Variants in KCNIP3 observed in about 807,000 individuals in gnomAD.
KCNIP3 encodes potassium voltage-gated channel interacting protein 3.
KCNIP3 carries 28 observed loss-of-function variants against 35.0 expected under a neutral mutation model. The ratio of observed to expected loss-of-function variants is 0.80; its 90% CI spans 0.59 to 1.10. KCNIP3 has a LOEUF of 1.10. Ranked by LOEUF, KCNIP3 falls within the 50% of genes least tolerant of loss-of-function variation. KCNIP3 has a pLI of 0.00. For synonymous variants in KCNIP3, 134 were observed against 133.8 expected (o/e 1.00, Z -0.01); for missense variants, 295 against 338.4 (o/e 0.87, Z 1.01).
intron 2 of KCNIP3, among the ~76,000 whole-genome samples, chr2:95,337,732 T>A (rs929524831): frequency 1.3e-5 from 2 of 152,224 alleles, no homozygotes; most frequent in Non-Finnish European, 2.9e-5. Flanking sequence ...GCTTTATTAC[T>A]TCCCCCTGAT....
At chr2:95,369,701 G>A (rs1679997616) in intron 2 of KCNIP3, among the ~76,000 whole-genome samples, 1 of 151,976 alleles carries the variant, frequency 6.6e-6, no homozygotes, top group South Asian at 2.1e-4. Flanking sequence ...TATGACCATG[G>A]CTCACTGCAG....
rs199894648 is a variant in KCNIP3 at position 95,383,951 on chromosome 2, G to C, written c.724-51G>C. Reference sequence around the variant, plus strand: ...GGCGGGAATCTGCTCAAGGGGGTCGGATTTGGAGCCCACCCAGCACCTGAA... The same window carrying C: ...GGCGGGAATCTGCTCAAGGGGGTCGCATTTGGAGCCCACCCAGCACCTGAA... On this transcript the variant is annotated intron_variant, in intron 8 of 8. Coordinates refer to ENST00000295225, the MANE Select transcript of KCNIP3 (RefSeq NM_013434.5). The C allele has an allele frequency of 4.5e-6, 7 of 1,560,824 alleles. No individual in the cohort carries two copies. The Admixed American group carries it at 1.0e-4, about 22-fold the overall frequency.
At chr2:95,302,526 C>G (rs1678063829) in intron 1 of KCNIP3, among the ~76,000 whole-genome samples, 1 of 152,190 alleles carries the variant, frequency 6.6e-6, no homozygotes, top group South Asian at 2.1e-4. Flanking sequence ...GCCAGGCATG[C>G]TAGGCTGTGG....
intron 2 of KCNIP3, among the ~76,000 whole-genome samples, chr2:95,315,875 C>T (rs984198041): frequency 3.3e-5 from 5 of 152,196 alleles, no homozygotes; most frequent in African/African-American, 9.6e-5. Context: ...TGCCCTGCCT[C>T]GGGCCCCATC....
intron 2 of KCNIP3, among the ~76,000 whole-genome samples, chr2:95,334,563 C>T (rs1272914972): frequency 2.0e-5 from 3 of 152,226 alleles, no homozygotes; most frequent in Non-Finnish European, 4.4e-5. Context: ...CACAAACCAA[C>T]ATGGTGGGCC....
chr2:95,297,486 A>AG (rs757528523), intron 1 of KCNIP3, 33 bp downstream of exon 1: 1 of 127,540 alleles, frequency 7.8e-6, no homozygotes. Flanking sequence ...CTTGCTCTGG[A>AG]GGGGGGTCGG....
At chr2:95,325,738 C>T (rs1476551272) in intron 2 of KCNIP3, among the ~76,000 whole-genome samples, 1 of 151,676 alleles carries the variant, frequency 6.6e-6, no homozygotes, top group Non-Finnish European at 1.5e-5. Context: ...CATACACACT[C>T]ATACACACGC....
At chr2:95,307,796 G>T (rs1457053572) in intron 1 of KCNIP3, among the ~76,000 whole-genome samples, 1 of 152,186 alleles carries the variant, frequency 6.6e-6, no homozygotes, top group Non-Finnish European at 1.5e-5. Flanking sequence ...CCTGCCAGGG[G>T]CTCCGAGGCC....
intron 2 of KCNIP3, among the ~76,000 whole-genome samples, chr2:95,345,062 G>A (rs1324386186): frequency 6.6e-6 from 1 of 152,228 alleles, no homozygotes; most frequent in Non-Finnish European, 1.5e-5. Flanking sequence ...GGTCAGTGGA[G>A]AATCACCACA....
At chr2:95,346,153 C>T (rs1272516980) in intron 2 of KCNIP3, among the ~76,000 whole-genome samples, 1 of 152,208 alleles carries the variant, frequency 6.6e-6, no homozygotes, top group African/African-American at 2.4e-5. Flanking sequence ...CCAGCCTGGG[C>T]CCAGTTTAAT....
chr2:95,314,430 A>G (rs1328840559), intron 2 of KCNIP3, among the ~76,000 whole-genome samples: 2 of 152,204 alleles, frequency 1.3e-5, no homozygotes, highest in East Asian at 1.9e-4. Context: ...TAAAGCCACA[A>G]AGATGTGGCT....
At chr2:95,383,150 C>T in intron 7 of KCNIP3, 82 bp from the exon 8 acceptor site, 1 of 1,099,154 alleles carries the variant, frequency 9.1e-7, no homozygotes, top group Admixed American at 1.9e-5. Flanking sequence ...TCCACCCACC[C>T]ATGACTTCTG....
intron 2 of KCNIP3, among the ~76,000 whole-genome samples, chr2:95,322,532 A>G (rs1046068411): frequency 6.6e-6 from 1 of 152,006 alleles, no homozygotes; most frequent in Admixed American, 6.5e-5. Context: ...CGCACAGTGG[A>G]GAGTGGTTTT....
Position 95,310,433 on chromosome 2 carries a change from T to G in KCNIP3, c.94T>G (p.Trp32Gly). 1 of 1,613,566 alleles carries G rather than the reference T, an allele frequency of 6.2e-7. No individual in the cohort carries two copies. The highest frequency in any genetic ancestry group is 8.5e-7 in the Non-Finnish European group (1 of 1,179,936). ...TPLSKKEGIK[W>G]QRPRLSRQAL... ...ACTTAGCAAGAAGGAGGGTATCAAGTGGCAGAGGCCGAGGCTCAGCCGCCA... is the reference window on the plus strand; with the variant it reads ...ACTTAGCAAGAAGGAGGGTATCAAGGGGCAGAGGCCGAGGCTCAGCCGCCA... Residue 32 changes from tryptophan to glycine, a missense_variant, in exon 2 of 9, where the codon TGG becomes GGG. Coordinates refer to ENST00000295225, the MANE Select transcript of KCNIP3 (RefSeq NM_013434.5).
At chr2:95,345,674 G>A (rs1312265757) in intron 2 of KCNIP3, among the ~76,000 whole-genome samples, 1 of 152,222 alleles carries the variant, frequency 6.6e-6, no homozygotes, top group East Asian at 1.9e-4. Flanking sequence ...GAGTCCGTCC[G>A]GCGGGGATGC....
At chr2:95,310,835 A>G in intron 2 of KCNIP3, 1 of 408,542 alleles carries the variant, frequency 2.4e-6, no homozygotes, top group East Asian at 5.3e-5. Flanking sequence ...CACCCTGCCC[A>G]CTGCTCACGC....
chr2:95,298,295 C>G (rs1388417265), intron 1 of KCNIP3, among the ~76,000 whole-genome samples: 1 of 152,184 alleles, frequency 6.6e-6, no homozygotes, highest in Non-Finnish European at 1.5e-5. Flanking sequence ...CGGGGTTTCT[C>G]TCTCATGCAG....
intron 2 of KCNIP3, among the ~76,000 whole-genome samples, chr2:95,317,102 C>A (rs752959566): frequency 6.6e-6 from 1 of 152,112 alleles, no homozygotes; most frequent in Non-Finnish European, 1.5e-5. Flanking sequence ...GGTCAGAGGT[C>A]AAGAGACAGC....
rs188122440 is a variant in KCNIP3 at position 95,377,620 on chromosome 2, A to C, written c.447+2412A>C. Among the ~76,000 whole-genome samples, 2 of 152,368 alleles carry C rather than the reference A, an allele frequency of 1.3e-5. No homozygotes were observed. The highest frequency in any genetic ancestry group is 3.9e-4 in the East Asian group (2 of 5,194). On this transcript the variant is annotated intron_variant, in intron 5 of 8. Transcript: ENST00000295225. The surrounding 1 kb of genome is among the most constrained non-coding windows in gnomAD (Gnocchi z 4.7). ...ACTTTGGCATTCAGAGCATGGAGTT[A>C]CAACTTGCCATGGTTGCACTGTGTA...
Sources: gnomAD v4.1 joint callset for allele counts (sites outside exome capture counted in the v4.1 genomes callset) on GRCh38, gnomAD v4.1.1 for gene constraint, Gnocchi (gnomAD v3.1) non-coding constraint, MANE v1.5 for transcripts, NCBI Gene and HGNC (gene_info 2026-07-23, HGNC 2026-07-21) for gene names.